Variants in EPB41L4A observed in about 807,000 individuals in gnomAD.
EPB41L4A encodes band 4.1-like protein 4A.
In EPB41L4A, 100 loss-of-function variants were observed where a neutral mutation model predicts 108.6. The observed-to-expected ratio is 0.92, with a 90% confidence interval of 0.78 to 1.09. The LOEUF (loss-of-function observed/expected upper bound fraction) is 1.09, where lower values mean the gene tolerates loss of function less well. Ranked by LOEUF, EPB41L4A falls within the 50% of genes least tolerant of loss-of-function variation. The pLI is 0.00. For synonymous variants in EPB41L4A, 319 were observed against 289.0 expected (o/e 1.10, Z -1.05); for missense variants, 1,030 against 842.7 (o/e 1.22, Z -2.75).
chr5:112,150,293 A>G (rs939184484), intron 12 of EPB41L4A, among the ~76,000 whole-genome samples: 4 of 152,122 alleles, frequency 2.6e-5, no homozygotes, highest in African/African-American at 9.7e-5. Flanking sequence ...AAAATGACAA[A>G]CCCACGAGAA....
At chr5:112,267,586 C>T (rs1751951830) in intron 4 of EPB41L4A, among the ~76,000 whole-genome samples, 1 of 152,116 alleles carries the variant, frequency 6.6e-6, no homozygotes. Flanking sequence ...TCCCTGGCAC[C>T]CACATTCAAT....
At chr5:112,171,551 A>G (rs569679646) in intron 18 of EPB41L4A, among the ~76,000 whole-genome samples, 1 of 152,368 alleles carries the variant, frequency 6.6e-6, no homozygotes, top group South Asian at 2.1e-4. Context: ...GCCTTGGCTC[A>G]TGCTGCCACC....
chr5:112,318,674 T>G (rs1228634496), intron 1 of EPB41L4A, among the ~76,000 whole-genome samples: 1 of 152,166 alleles, frequency 6.6e-6, no homozygotes, highest in Non-Finnish European at 1.5e-5. Context: ...ATATAATAGC[T>G]GCTGTTTCAA....
chr5:112,346,215 C>CTTTTTTTTTTTTTTTTTTTTTTTTTT (rs1479210695), intron 1 of EPB41L4A, among the ~76,000 whole-genome samples: 1 of 49,044 alleles, frequency 2.0e-5, no homozygotes, highest in African/African-American at 4.5e-5. Flanking sequence ...AGGTACATTG[C>CTTTTTTTTTTTTTTTTTTTTTTTTTT]ATTTTTTTTT....
At chr5:112,303,923 AC>A (rs1310882226) in intron 2 of EPB41L4A, among the ~76,000 whole-genome samples, 1 of 152,104 alleles carries the variant, frequency 6.6e-6, no homozygotes, top group Non-Finnish European at 1.5e-5. Context: ...ACTTGAACAC[AC>A]CCAAACACTG....
chr5:112,176,853 C>T lies in EPB41L4A; in HGVS notation c.1623-5861G>A, dbSNP rs140733615. ...TACTGCAACCTCCGCCTCCCAGCTT[C>T]AAGCAATTCTCCTGACCCAGCCTCC... is the stretch of plus-strand genomic sequence containing the variant. On this transcript the variant is annotated intron_variant, in intron 18 of 22. Coordinates refer to ENST00000261486, the MANE Select transcript of EPB41L4A (RefSeq NM_022140.5). 6.4e-3 allele frequency among the ~76,000 whole-genome samples: 918 copies of T among 142,934 alleles called. 10 individuals are homozygous for T. Among genetic ancestry groups the T allele is most frequent in the African/African-American group, 0.022 (858 of 39,082 alleles). 93.8% of individuals were successfully genotyped at this position (142,934 alleles called of 152,430 possible).
At chr5:112,276,619 T>G (rs1387745397) in intron 3 of EPB41L4A, among the ~76,000 whole-genome samples, 1 of 152,210 alleles carries the variant, frequency 6.6e-6, no homozygotes, top group Non-Finnish European at 1.5e-5. Context: ...TGCATCTCAG[T>G]AAAAGTCTTC....
intron 9 of EPB41L4A, among the ~76,000 whole-genome samples, chr5:112,256,546 C>T (rs898522256): frequency 4.6e-5 from 7 of 151,756 alleles, no homozygotes; most frequent in African/African-American, 7.3e-5. Context: ...CTATCAAAAA[C>T]CAGTTAGAAG....
intron 9 of EPB41L4A, among the ~76,000 whole-genome samples, chr5:112,258,526 A>G (rs1345564392): frequency 6.6e-6 from 1 of 152,210 alleles, no homozygotes; most frequent in Non-Finnish European, 1.5e-5. Flanking sequence ...TCACTCATGT[A>G]TCCCATAATA....
chr5:112,332,682 C>T (rs938085255), intron 1 of EPB41L4A, among the ~76,000 whole-genome samples: 5 of 152,110 alleles, frequency 3.3e-5, no homozygotes, highest in Non-Finnish European at 7.4e-5. Context: ...ATATTTTAGT[C>T]CCCCCTGCTA....
At position 112,359,987 on chromosome 5, in the gene EPB41L4A, CT is replaced by C. The variant is rs143742374; in HGVS notation, c.100-52498del. 9.5e-3 allele frequency among the ~76,000 whole-genome samples: 1,444 copies of C among 152,272 alleles called. 25 individuals carry two copies. The highest frequency in any genetic ancestry group is 0.033 in the African/African-American group (1,377 of 41,552). ...CTCTATAATTACTGACGTGTATGTG[CT>C]TTTTTCATTTTAAAAAATATTTTAT... On this transcript the variant is annotated intron_variant, in intron 1 of 22. Coordinates refer to ENST00000261486, the MANE Select transcript of EPB41L4A (RefSeq NM_022140.5).
rs1233858691 is a variant in EPB41L4A, at chr5:112,174,883, C to G, written c.1623-3891G>C. On this transcript the variant is annotated intron_variant, in intron 18 of 22. Coordinates refer to ENST00000261486, the MANE Select transcript of EPB41L4A (RefSeq NM_022140.5). Reference sequence around the variant, plus strand: ...GAATTCAAAGCACCTAACAAATATCCCAGTCATTCTTTGTCACATTCCTGA... The same window carrying G: ...GAATTCAAAGCACCTAACAAATATCGCAGTCATTCTTTGTCACATTCCTGA... Among the ~76,000 whole-genome samples the G allele has an allele frequency of 3.9e-5, 6 of 152,016 alleles. No individual in the cohort carries two copies. In the South Asian group the frequency reaches 1.2e-3, roughly 32 times the overall value.
chr5:112,298,240 T>C (rs1170617353), intron 2 of EPB41L4A, among the ~76,000 whole-genome samples: 1 of 152,142 alleles, frequency 6.6e-6, no homozygotes, highest in East Asian at 1.9e-4. Context: ...TTCACATTAT[T>C]GATTCTACCC....
chr5:112,149,143 T>G (rs1300064198), intron 12 of EPB41L4A, among the ~76,000 whole-genome samples: 1 of 152,214 alleles, frequency 6.6e-6, no homozygotes, highest in Non-Finnish European at 1.5e-5. Flanking sequence ...CTGAATATAA[T>G]TTTGTCAGGT....
At chr5:112,262,286 T>C (rs980394517) in intron 7 of EPB41L4A, among the ~76,000 whole-genome samples, 5 of 152,216 alleles carry the variant, frequency 3.3e-5, no homozygotes, top group Non-Finnish European at 7.3e-5. Flanking sequence ...AATTGTTTTC[T>C]ACACATGGAA....
chr5:112,251,487 C>T (rs2150410738), intron 9 of EPB41L4A, among the ~76,000 whole-genome samples: 1 of 152,168 alleles, frequency 6.6e-6, no homozygotes, highest in South Asian at 2.1e-4. Flanking sequence ...AGAATGATTT[C>T]TAGGAGATAT....
intron 12 of EPB41L4A, chr5:112,146,088 C>A: frequency 2.4e-6 from 1 of 417,916 alleles, no homozygotes. Flanking sequence ...GACTACTCAC[C>A]CATTCATCTG....
chr5:112,298,623 CA>C (rs1580635013), intron 2 of EPB41L4A, among the ~76,000 whole-genome samples: 1 of 152,038 alleles, frequency 6.6e-6, no homozygotes, highest in East Asian at 1.9e-4. Flanking sequence ...CTATGTTCAT[CA>C]GGGGTATTGG....
chr5:112,409,357 G>C (rs886625124), intron 1 of EPB41L4A, among the ~76,000 whole-genome samples: 3 of 152,148 alleles, frequency 2.0e-5, no homozygotes, highest in African/African-American at 7.2e-5. Context: ...GAAGTGAAGA[G>C]TGGTTTTCAG....
Sources: allele counts gnomAD v4.1 joint callset (sites outside exome capture counted in the v4.1 genomes callset), GRCh38; gene constraint gnomAD v4.1.1; transcripts MANE v1.5; gene names NCBI Gene and HGNC (gene_info 2026-07-23, HGNC 2026-07-21).